UGT1A10: variants seen among roughly 807,000 people sequenced by gnomAD.
UGT1A10 encodes the protein UDP-glucuronosyltransferase 1A10.
UGT1A10 carries 49 observed loss-of-function variants against 45.8 expected under a neutral mutation model. The observed-to-expected ratio is 1.07, with a 90% CI of 0.85 to 1.36. UGT1A10 has a LOEUF of 1.36. UGT1A10 is among the 40% of genes most tolerant of loss of function. UGT1A10 has a pLI of 0.00. For missense variants in UGT1A10, 745 were observed against 668.6 expected (o/e 1.11, Z -1.26); for synonymous variants, 284 against 249.7 (o/e 1.14, Z -1.29).
intron 1 of UGT1A10, among the ~76,000 whole-genome samples, chr2:233,730,262 T>G (rs2078006509): frequency 6.6e-6 from 1 of 152,108 alleles, no homozygotes; most frequent in South Asian, 2.1e-4. Context: ...TAGAGACTGT[T>G]GGTTTGTAAA....
chr2:233,695,617 T>G (rs1477124343), intron 1 of UGT1A10, among the ~76,000 whole-genome samples: 1 of 152,064 alleles, frequency 6.6e-6, no homozygotes, highest in Non-Finnish European at 1.5e-5. Context: ...CAATGAACTC[T>G]CTACCTCCAT....
intron 1 of UGT1A10, among the ~76,000 whole-genome samples, chr2:233,688,167 A>G (rs986637125): frequency 6.6e-6 from 1 of 152,182 alleles, no homozygotes; most frequent in African/African-American, 2.4e-5. Flanking sequence ...TGGGCATTTC[A>G]TGGAAATGGA....
At chr2:233,691,487 T>A (rs1274389934) in intron 1 of UGT1A10, 3 of 985,586 alleles carry the variant, frequency 3.0e-6, no homozygotes, top group Non-Finnish European at 3.6e-6. Context: ...AACTTGTGGG[T>A]GGGAACAGGA....
At chr2:233,721,529 G>A (rs537602053) in intron 1 of UGT1A10, 34 of 169,694 alleles carry the variant, frequency 2.0e-4, no homozygotes, top group Non-Finnish European at 3.5e-4. Context: ...TTCTTCCAGA[G>A]CCATAGGTAA....
chr2:233,683,583 G>T (rs553617968), intron 1 of UGT1A10, among the ~76,000 whole-genome samples: 1 of 152,172 alleles, frequency 6.6e-6, no homozygotes, highest in South Asian at 2.1e-4. Context: ...TCCTACTCAA[G>T]AATATGAATC....
At chr2:233,642,903 T>G (rs1014485643) in intron 1 of UGT1A10, among the ~76,000 whole-genome samples, 2 of 152,168 alleles carry the variant, frequency 1.3e-5, no homozygotes, top group African/African-American at 4.8e-5. Context: ...TCTCTCTCTC[T>G]CTGTCTCTCT....
intron 1 of UGT1A10, among the ~76,000 whole-genome samples, chr2:233,651,268 A>C (rs1269720062): frequency 6.6e-6 from 1 of 152,122 alleles, no homozygotes; most frequent in African/African-American, 2.4e-5. Context: ...TCCTGAACCC[A>C]CACTGAGTTC....
At chr2:233,713,459 C>G (rs765192801) in intron 1 of UGT1A10, 52 of 1,614,154 alleles carry the variant, frequency 3.2e-5, no homozygotes, top group Non-Finnish European at 4.3e-5. Flanking sequence ...CCTTTCACCT[C>G]TGCGCGGCGG....
Position 233,773,207 on chromosome 2 carries a change from A to G in UGT1A10, c.*648A>G, listed in dbSNP as rs1436243452. On this transcript the variant is annotated 3_prime_UTR_variant, in exon 5 of 5. Coordinates refer to ENST00000344644, the MANE Select transcript of UGT1A10 (RefSeq NM_019075.4). ...TCAAATGGAGCTGAATTTGATAAAAACCCAAAATACAGCTATGAAGTGCTG... is the reference window on the plus strand; with the variant it reads ...TCAAATGGAGCTGAATTTGATAAAAGCCCAAAATACAGCTATGAAGTGCTG... 1 of 152,384 alleles carries G rather than the reference A, an allele frequency of 6.6e-6. No homozygotes were observed. The highest frequency in any genetic ancestry group is 2.4e-5 in the African/African-American group (1 of 41,416). The allele number at this position is 152,384 out of a possible 1,614,324, so 9.4% of individuals were successfully genotyped here. A position where few individuals can be genotyped will look rare whatever the true frequency, so the allele number is the denominator to read the frequency against.
At chr2:233,693,293 A>G (rs978243780) in intron 1 of UGT1A10, 6 of 1,614,104 alleles carry the variant, frequency 3.7e-6, no homozygotes, top group African/African-American at 1.3e-5. Context: ...ATTTGGAAAC[A>G]ATCACTTTGC....
intron 1 of UGT1A10, among the ~76,000 whole-genome samples, chr2:233,687,583 TAAAAAAAAAAAAA>T (rs71398794): frequency 1.9e-5 from 2 of 107,472 alleles, no homozygotes; most frequent in African/African-American, 6.7e-5. Context: ...ACATTCTTTG[TAAAAAAAAAAAAA>T]AAAAAAAAAA....
chr2:233,693,072 T>C, intron 1 of UGT1A10: 3 of 1,614,192 alleles, frequency 1.9e-6, no homozygotes, highest in Non-Finnish European at 2.5e-6. Flanking sequence ...CTTTGGGGCA[T>C]GGTTGTAGGT....
At chr2:233,709,379 A>T (rs1314181850) in intron 1 of UGT1A10, among the ~76,000 whole-genome samples, 1 of 152,092 alleles carries the variant, frequency 6.6e-6, no homozygotes, top group Non-Finnish European at 1.5e-5. Context: ...TCCTAATCTA[A>T]ATTTCTTTTA....
At chr2:233,754,004 G>T (rs1256062754) in intron 1 of UGT1A10, among the ~76,000 whole-genome samples, 1 of 152,190 alleles carries the variant, frequency 6.6e-6, no homozygotes, top group African/African-American at 2.4e-5. Context: ...TGGGTAATTT[G>T]TTACAGCCAT....
chr2:233,681,883 A>G lies in UGT1A10; in HGVS notation c.855+44506A>G, dbSNP rs574890114. 133 of 1,555,696 alleles carry G rather than the reference A, an allele frequency of 8.5e-5. No homozygotes were observed. The African/African-American group carries it at 1.4e-3, about 16-fold the overall frequency. On this transcript the variant is annotated intron_variant, in intron 1 of 4. Transcript: ENST00000344644. ...GGTTCTATCTGTACTTCTTCCACTT[A>G]CTATATTATAGGAGCTTAGAATCCC...
chr2:233,765,482 C>T (rs1647966215), intron 1 of UGT1A10, among the ~76,000 whole-genome samples: 1 of 152,108 alleles, frequency 6.6e-6, no homozygotes, highest in South Asian at 2.1e-4. Context: ...TGGAAGCCAT[C>T]ATCCTCCACA....
intron 1 of UGT1A10, among the ~76,000 whole-genome samples, chr2:233,690,114 T>C (rs1389791367): frequency 1.3e-5 from 2 of 152,240 alleles, no homozygotes; most frequent in Non-Finnish European, 2.9e-5. Flanking sequence ...ATGTCACATA[T>C]GTCTTTGTAA....
intron 1 of UGT1A10, chr2:233,693,441 C>A: frequency 6.2e-7 from 1 of 1,614,144 alleles, no homozygotes; most frequent in Non-Finnish European, 8.5e-7. Context: ...AAGTTTGATG[C>A]TCTTTTCACA....
chr2:233,703,466 A>ATTATTT lies in UGT1A10; in HGVS notation c.856-63566_856-63561dup, dbSNP rs1421893087. ...GTCGTTAATTTCCCCTCTATTCTTT[A>ATTATTT]TTATTTTCTGCCTTCTTGCTTTGTG... On this transcript the variant is annotated intron_variant, in intron 1 of 4. Transcript: ENST00000344644. Among the ~76,000 whole-genome samples the ATTATTT allele has an allele frequency of 6.6e-5, 10 of 151,422 alleles. No individual in the cohort carries two copies. The East Asian group carries it at 9.7e-4, about 15-fold the overall frequency.
Sources: allele counts gnomAD v4.1 joint callset (sites outside exome capture counted in the v4.1 genomes callset), GRCh38; gene constraint gnomAD v4.1.1; transcripts MANE v1.5; gene names NCBI Gene and HGNC (gene_info 2026-07-23, HGNC 2026-07-21).